ZBBX: variants seen among roughly 807,000 people sequenced by gnomAD.
ZBBX encodes zinc finger B-box domain containing, also known as zinc finger B-box domain-containing protein 1.
Under a neutral mutation model 108.5 loss-of-function variants are expected in ZBBX, and 101 were observed. The ratio of observed to expected loss-of-function variants is 0.93; its 90% CI spans 0.79 to 1.10. ZBBX has a LOEUF of 1.10. Ranked by LOEUF, ZBBX falls within the 50% of genes least tolerant of loss-of-function variation. The pLI is 0.00. For missense variants in ZBBX, 1,009 were observed against 941.4 expected (o/e 1.07, Z -0.94); for synonymous variants, 356 against 323.4 (o/e 1.10, Z -1.08).
intron 14 of ZBBX, 137 bp from the exon 15 acceptor site, chr3:167,315,966 C>T (rs1735383977): frequency 1.9e-6 from 1 of 538,492 alleles, no homozygotes; most frequent in African/African-American, 1.9e-5. Flanking sequence ...TATTTTATAA[C>T]ACATAAGTTC....
chr3:167,225,991 A>G, the ZBBX span, among the ~76,000 whole-genome samples: 1 of 151,484 alleles, frequency 6.6e-6, no homozygotes, highest in South Asian at 2.1e-4. Context: ...GTAGCTTGTC[A>G]GAGTACAGGC....
intron 20 of ZBBX, among the ~76,000 whole-genome samples, chr3:167,243,354 A>T (rs1721006104): frequency 6.6e-6 from 1 of 152,256 alleles, no homozygotes; most frequent in Non-Finnish European, 1.5e-5. Context: ...ACATAAAGTT[A>T]TACTATGATG....
At chr3:167,289,148 TTAAA>T (rs1730217331) in intron 18 of ZBBX, among the ~76,000 whole-genome samples, 165 bp from the exon 19 acceptor site, 1 of 151,980 alleles carries the variant, frequency 6.6e-6, no homozygotes, top group Non-Finnish European at 1.5e-5. Flanking sequence ...ATAAAAATCA[TTAAA>T]TTAATATATT....
At chr3:167,248,567 T>C in intron 20 of ZBBX, 1 of 454,626 alleles carries the variant, frequency 2.2e-6, no homozygotes, top group Non-Finnish European at 4.4e-6. Context: ...ACAGGGCACA[T>C]TTGAGACACT....
chr3:167,251,427 C>T (rs531274109), intron 20 of ZBBX, among the ~76,000 whole-genome samples: 1 of 152,284 alleles, frequency 6.6e-6, no homozygotes, highest in South Asian at 2.1e-4. Flanking sequence ...AACATTCACC[C>T]CTAGACACTC....
At chr3:167,389,501 G>A (rs1473710066) in intron 1 of ZBBX, among the ~76,000 whole-genome samples, 2 of 152,054 alleles carry the variant, frequency 1.3e-5, no homozygotes, top group African/African-American at 4.8e-5. Flanking sequence ...CTCAGTAATG[G>A]GATTGCTGGG....
At chr3:167,277,970 GA>G (rs1477264153) in intron 20 of ZBBX, among the ~76,000 whole-genome samples, 2 of 149,722 alleles carry the variant, frequency 1.3e-5, no homozygotes, top group African/African-American at 5.0e-5. Flanking sequence ...CAACTACATG[GA>G]AACTGAACAA....
chr3:167,367,640 AC>A (rs1745522113), intron 5 of ZBBX, among the ~76,000 whole-genome samples: 2 of 151,486 alleles, frequency 1.3e-5, no homozygotes, highest in African/African-American at 4.8e-5. Flanking sequence ...CTCACTGAAA[AC>A]AAAATACATT....
chr3:167,308,643 C>A (rs568930480), intron 16 of ZBBX, among the ~76,000 whole-genome samples: 188 of 152,232 alleles, frequency 1.2e-3, no homozygotes, highest in African/African-American at 4.5e-3. Flanking sequence ...AGATCATGTA[C>A]TTTGCATGGA....
intron 1 of ZBBX, among the ~76,000 whole-genome samples, chr3:167,406,384 T>C (rs962466305): frequency 6.6e-6 from 1 of 152,138 alleles, no homozygotes; most frequent in Non-Finnish European, 1.5e-5. Context: ...AAACGGTGTA[T>C]GGAAAAAATG....
intron 1 of ZBBX, among the ~76,000 whole-genome samples, chr3:167,397,852 T>C (rs1748299255): frequency 8.0e-6 from 1 of 124,290 alleles, no homozygotes; most frequent in Non-Finnish European, 1.8e-5. Flanking sequence ...ACAAACTCAC[T>C]TGCAAAAAAA....
the ZBBX span, among the ~76,000 whole-genome samples, chr3:167,228,476 C>T: frequency 0.72 from 109,770 of 151,586 alleles, 39,884 homozygotes; most frequent in East Asian, 0.83. Flanking sequence ...ACATTTCAGA[C>T]GAAATATCTT....
At chr3:167,332,327 G>A (rs1738793898) in intron 10 of ZBBX, among the ~76,000 whole-genome samples, 1 of 151,690 alleles carries the variant, frequency 6.6e-6, no homozygotes, top group Non-Finnish European at 1.5e-5. Flanking sequence ...CACCCACGGA[G>A]ATGCTGAACT....
intron 20 of ZBBX, among the ~76,000 whole-genome samples, chr3:167,278,654 C>T (rs1242889121): frequency 2.6e-5 from 4 of 151,522 alleles, no homozygotes; most frequent in Middle Eastern, 3.4e-3. Flanking sequence ...GATTCACAGC[C>T]GAATTCTACC....
At chr3:167,387,017 T>C (rs531175553) in intron 1 of ZBBX, among the ~76,000 whole-genome samples, 57 of 152,156 alleles carry the variant, frequency 3.7e-4, no homozygotes, top group African/African-American at 1.3e-3. Context: ...GGAAAGTTAC[T>C]GCCACAATAT....
At chr3:167,369,343 C>G (rs934291109) in intron 4 of ZBBX, among the ~76,000 whole-genome samples, 1 of 152,142 alleles carries the variant, frequency 6.6e-6, no homozygotes, top group African/African-American at 2.4e-5. Context: ...GGCACCCACG[C>G]ATGCTATGGC....
intron 19 of ZBBX, among the ~76,000 whole-genome samples, chr3:167,288,312 G>T (rs1051698321): frequency 6.6e-6 from 1 of 152,070 alleles, no homozygotes; most frequent in Non-Finnish European, 1.5e-5. Context: ...TATGTCAAAA[G>T]AATTATTCTA....
chr3:167,216,514 G>A, the ZBBX span, among the ~76,000 whole-genome samples: 34 of 152,140 alleles, frequency 2.2e-4, no homozygotes, highest in African/African-American at 8.2e-4. Flanking sequence ...TCATTGATAG[G>A]AAGAATCAAT....
chr3:167,264,398 T>G (rs1725123858), intron 20 of ZBBX, among the ~76,000 whole-genome samples: 1 of 152,172 alleles, frequency 6.6e-6, no homozygotes, highest in Non-Finnish European at 1.5e-5. Flanking sequence ...GATGTTCCCA[T>G]GAGACTTGCA....
Sources: allele counts gnomAD v4.1 joint callset (sites outside exome capture counted in the v4.1 genomes callset), GRCh38; gene constraint gnomAD v4.1.1; transcripts MANE v1.5; gene names NCBI Gene and HGNC (gene_info 2026-07-23, HGNC 2026-07-21).